ANKMY1: variants seen among roughly 807,000 people sequenced by gnomAD.
ANKMY1 encodes the protein ankyrin repeat and MYND domain-containing protein 1.
ANKMY1 carries 98 observed loss-of-function variants against 102.0 expected under a neutral mutation model. The ratio of observed to expected loss-of-function variants is 0.96; its 90% confidence interval spans 0.82 to 1.14. The LOEUF is 1.14. ANKMY1 is among the 50% of genes most tolerant of loss of function. The pLI is 0.00. For synonymous variants in ANKMY1, 582 were observed against 559.9 expected (o/e 1.04, Z -0.56); for missense variants, 1,330 against 1,347.6 (o/e 0.99, Z 0.20).
intron 4 of ANKMY1, among the ~76,000 whole-genome samples, chr2:240,533,461 T>A (rs576353724): frequency 7.9e-5 from 12 of 152,350 alleles, no homozygotes; most frequent in East Asian, 1.9e-4. Context: ...AATTATTTTT[T>A]AAAAATATTT....
chr2:240,539,072 G>A (rs2087814761), intron 4 of ANKMY1, among the ~76,000 whole-genome samples: 2 of 152,318 alleles, frequency 1.3e-5, no homozygotes, highest in African/African-American at 4.8e-5. Flanking sequence ...GGTCAGATAA[G>A]GGAATAAACG....
intron 4 of ANKMY1, among the ~76,000 whole-genome samples, chr2:240,531,745 C>T (rs2085446047): frequency 6.6e-6 from 1 of 151,996 alleles, no homozygotes; most frequent in African/African-American, 2.4e-5. Context: ...TAGGGGTTTA[C>T]TATAAAGGAG....
chr2:240,520,603 G>A lies in ANKMY1; in HGVS notation c.1833-70C>T. 6 of 1,518,702 alleles carry A rather than the reference G, an allele frequency of 4.0e-6. No individual in the cohort carries two copies. Among genetic ancestry groups the A allele is most frequent in the Non-Finnish European group, 4.4e-6 (5 of 1,132,736 alleles). The allele number at this position is 1,518,702 out of a possible 1,614,324, so 94.1% of individuals were successfully genotyped here. A position where few individuals can be genotyped will look rare whatever the true frequency, so the allele number is the denominator to read the frequency against. The stretch of plus-strand genomic sequence containing the variant: ...TGCACTGCGCCCAGAACGGGGCCAT[G>A]CCAGCGAGGAGGCTGGGGAGGGGCG... On this transcript the variant is annotated intron_variant, in intron 8 of 17. Transcript: ENST00000401804. This position sits in a 1 kb window ranked among gnomAD's most constrained non-coding sequence, Gnocchi z 4.8.
At position 240,551,363 on chromosome 2, in the gene ANKMY1, G is replaced by A. The variant is rs894524606; in HGVS notation, c.480+1551C>T. 4.6e-5 allele frequency among the ~76,000 whole-genome samples: 7 copies of A among 152,262 alleles called. No homozygotes were observed. The South Asian group carries it at 1.2e-3, about 27-fold the overall frequency. ...GTGAATATTCTTAATTCATGGCAACGTGTTTGTTTGCATATGTTTAATAAG... is the reference window on the plus strand; with the variant it reads ...GTGAATATTCTTAATTCATGGCAACATGTTTGTTTGCATATGTTTAATAAG... On this transcript the variant is annotated intron_variant, in intron 4 of 17. Transcript: ENST00000401804.
At position 240,550,938 on chromosome 2, in the gene ANKMY1, C is replaced by T. The variant is rs74001689; in HGVS notation, c.480+1976G>A. On this transcript the variant is annotated intron_variant, in intron 4 of 17. Transcript: ENST00000401804. ...AAAAAAGTGACTTGTAATCAGCTAC[C>T]GTCCAGGGCTTGCTTCTTTGGGGGA... is the stretch of plus-strand genomic sequence containing the variant. 4.1e-3 allele frequency among the ~76,000 whole-genome samples: 618 copies of T among 152,254 alleles called. 1 individual carries two copies. The highest frequency in any genetic ancestry group is 0.014 in the African/African-American group (594 of 41,548).
At chr2:240,498,458 T>G (rs2077572432) in intron 15 of ANKMY1, among the ~76,000 whole-genome samples, 1 of 114,676 alleles carries the variant, frequency 8.7e-6, no homozygotes, top group Admixed American at 8.9e-5. Context: ...CGTGTGTGGG[T>G]AGGTGTGCAG....
At chr2:240,493,858 A>G (rs1286464429) in intron 15 of ANKMY1, among the ~76,000 whole-genome samples, 1 of 152,180 alleles carries the variant, frequency 6.6e-6, no homozygotes, top group African/African-American at 2.4e-5. Context: ...AGTGGCTGCA[A>G]TGGAGTAGGT....
At chr2:240,515,826 T>C (rs1213862926) in intron 9 of ANKMY1, among the ~76,000 whole-genome samples, 1 of 151,698 alleles carries the variant, frequency 6.6e-6, no homozygotes, top group East Asian at 1.9e-4. Context: ...CACACCATTC[T>C]CCTGCCTCAG....
intron 12 of ANKMY1, among the ~76,000 whole-genome samples, chr2:240,508,670 G>A (rs977039143): frequency 2.6e-5 from 4 of 152,248 alleles, no homozygotes; most frequent in Non-Finnish European, 1.5e-5. Flanking sequence ...CTTGAGAGCA[G>A]AGACTGTTTA....
chr2:240,528,869 T>C (rs2084539476), intron 5 of ANKMY1, among the ~76,000 whole-genome samples, 168 bp downstream of exon 5: 1 of 152,132 alleles, frequency 6.6e-6, no homozygotes, highest in African/African-American at 2.4e-5. Context: ...CAGCAGGGGC[T>C]TTCCCTCCCT....
chr2:240,479,973 A>C (rs548044605), intron 17 of ANKMY1, among the ~76,000 whole-genome samples: 62 of 152,254 alleles, frequency 4.1e-4, no homozygotes, highest in African/African-American at 1.4e-3. Flanking sequence ...GCACTTTGGG[A>C]GGCCGAGGTG....
rs544587295 is a variant in ANKMY1, at chr2:240,521,631, C to T, written c.1833-1098G>A. Among the ~76,000 whole-genome samples the T allele has an allele frequency of 5.2e-3, 780 of 151,062 alleles. 3 individuals are homozygous for T. Among genetic ancestry groups the T allele is most frequent in the Non-Finnish European group, 8.2e-3 (557 of 67,816 alleles). On this transcript the variant is annotated intron_variant, in intron 8 of 17. Coordinates refer to ENST00000401804, the MANE Select transcript of ANKMY1 (RefSeq NM_001282771.3). ...CTCCTGCCTCAGCCTCCCAAGTAGC[C>T]GGGACTACAGGCACCCGCCACCACG...
At chr2:240,515,342 C>A (rs1372635734) in intron 9 of ANKMY1, among the ~76,000 whole-genome samples, 1 of 152,112 alleles carries the variant, frequency 6.6e-6, no homozygotes, top group African/African-American at 2.4e-5. Flanking sequence ...CAAGACCAGC[C>A]TGGCCAACAT....
rs1394205856 is a variant in ANKMY1, at chr2:240,479,588, C to T, written c.*21G>A. 6.2e-7 allele frequency: 1 copy of T among 1,613,858 alleles called. No homozygotes were observed. The highest frequency in any genetic ancestry group is 2.2e-5 in the East Asian group (1 of 44,870). ...ACACAGTCCTGGGTCCTCCCCAAGC[C>T]TCGGACGTGCAGCTGCTGCTTCACT... On this transcript the variant is annotated 3_prime_UTR_variant, in exon 18 of 18. Coordinates refer to ENST00000401804, the MANE Select transcript of ANKMY1 (RefSeq NM_001282771.3).
intron 17 of ANKMY1, among the ~76,000 whole-genome samples, chr2:240,480,329 C>T (rs1191963577): frequency 1.3e-5 from 2 of 152,240 alleles, no homozygotes; most frequent in African/African-American, 4.8e-5. Flanking sequence ...AGCCAGGTCC[C>T]AGTAGAGCGG....
chr2:240,482,325 C>T, intron 15 of ANKMY1, 64 bp from the exon 16 acceptor site: 2 of 1,475,636 alleles, frequency 1.4e-6, no homozygotes, highest in Non-Finnish European at 1.9e-6. Flanking sequence ...ACTGCAGAAG[C>T]CACCTCCTTG....
chr2:240,533,716 TAA>T (rs1435670329), intron 4 of ANKMY1, among the ~76,000 whole-genome samples: 2 of 95,704 alleles, frequency 2.1e-5, no homozygotes, highest in African/African-American at 9.8e-5. Flanking sequence ...TGGATTTCAA[TAA>T]ACACACACAC....
At chr2:240,493,253 G>A (rs1209315995) in intron 15 of ANKMY1, among the ~76,000 whole-genome samples, 1 of 152,158 alleles carries the variant, frequency 6.6e-6, no homozygotes, top group African/African-American at 2.4e-5. Flanking sequence ...TTTGAACCCA[G>A]GAGGCAGAGG....
chr2:240,512,685 G>T, intron 10 of ANKMY1, 117 bp downstream of exon 10: 8 of 1,335,092 alleles, frequency 6.0e-6, no homozygotes, highest in East Asian at 2.7e-5. Context: ...CACTGCCCAG[G>T]CCCCAAGCCA....
Sources: allele counts gnomAD v4.1 joint callset (sites outside exome capture counted in the v4.1 genomes callset), GRCh38; gene constraint gnomAD v4.1.1; non-coding constraint Gnocchi (gnomAD v3.1); transcripts MANE v1.5; gene names NCBI Gene and HGNC (gene_info 2026-07-23, HGNC 2026-07-21).